The following ZNF718 variants were observed in gnomAD, a reference collection of about 807,000 sequenced individuals.
The protein encoded by ZNF718 is zinc finger protein 718.
A neutral mutation model predicts 2.6 loss-of-function variants in ZNF718; 3 were observed. That is an observed-to-expected ratio of 1.16 (90% CI 0.53 to 3.01). ZNF718 has a LOEUF of 3.01. Ranked by LOEUF, ZNF718 falls within the 30% of genes most tolerant of loss-of-function variation. The pLI is 0.03. For synonymous variants in ZNF718, 135 were observed against 77.9 expected (o/e 1.73, Z -3.86); for missense variants, 468 against 230.0 (o/e 2.03, Z -6.69).
chr4:161,551 G>T lies in ZNF718; in HGVS notation c.866G>T (p.Gly289Val). 1 of 780,888 alleles carries T rather than the reference G, an allele frequency of 1.3e-6. No homozygotes were observed. The highest frequency in any genetic ancestry group is 2.4e-6 in the Non-Finnish European group (1 of 418,020). 48.4% of individuals were successfully genotyped at this position (780,888 alleles called of 1,614,324 possible). A position where few individuals can be genotyped will look rare whatever the true frequency, so the allele number is the denominator to read the frequency against. ...AQKYYKCEEC[G>V]KAFKWSSSLN... ...AAATACTACAAATGTGAAGAATGTG[G>T]TAAAGCCTTTAAGTGGTCCTCATCC... The change falls in exon 4 of 4, where the codon GGT (glycine) becomes GTT (valine). Residue 289 changes from glycine to valine, a missense_variant. Physicochemically the swap from Gly to Val is moderately radical, Grantham distance 109 (BLOSUM62 -3). Transcript: ENST00000510175.
intron 1 of ZNF718, among the ~76,000 whole-genome samples, chr4:125,641 T>C (rs1208358118): frequency 6.6e-6 from 1 of 152,224 alleles, no homozygotes; most frequent in Non-Finnish European, 1.5e-5. Context: ...CGCTGGGCAC[T>C]GTCCTCTTCC....
intron 3 of ZNF718, among the ~76,000 whole-genome samples, chr4:179,839 A>C (rs1437746436): frequency 6.6e-6 from 1 of 152,176 alleles, no homozygotes; most frequent in East Asian, 1.9e-4. Context: ...AGGTTATTTT[A>C]ATTCACTTTA....
Position 159,799 on chromosome 4 carries a change from T to C in ZNF718, c.227-1113T>C, listed in dbSNP as rs1320721188. Among the ~76,000 whole-genome samples, 5 of 152,276 alleles carry C rather than the reference T, an allele frequency of 3.3e-5. No individual in the cohort carries two copies. In the East Asian group the frequency reaches 9.6e-4, roughly 29 times the overall value. ...TAGTTGTTTTCTGAAAATTTTCAAA[T>C]TTTTTAATTGGGCCATGTTGCCCTA... On this transcript the variant is annotated intron_variant, in intron 3 of 3. Coordinates refer to ENST00000510175, the MANE Select transcript of ZNF718 (RefSeq NM_001039127.6).
chr4:150,688 T>C (rs1386825559), intron 3 of ZNF718, among the ~76,000 whole-genome samples: 2 of 152,210 alleles, frequency 1.3e-5, no homozygotes, highest in Admixed American at 1.3e-4. Context: ...TTGGCTATTA[T>C]AAATAGTACT....
intron 3 of ZNF718, among the ~76,000 whole-genome samples, chr4:182,151 A>C (rs1717479797): frequency 6.6e-6 from 1 of 152,086 alleles, no homozygotes; most frequent in Non-Finnish European, 1.5e-5. Context: ...TTTATAATGA[A>C]ACAATTTATA....
intron 3 of ZNF718, among the ~76,000 whole-genome samples, chr4:170,602 C>T (rs185866583): frequency 1.3e-5 from 2 of 152,140 alleles, no homozygotes; most frequent in African/African-American, 4.8e-5. Context: ...TTTATTTCAT[C>T]TTCCATCACT....
intron 3 of ZNF718, among the ~76,000 whole-genome samples, chr4:188,048 A>T (rs1355077079): frequency 1.3e-5 from 2 of 152,180 alleles, no homozygotes; most frequent in South Asian, 4.1e-4. Flanking sequence ...CAGCCATTCC[A>T]TGCTGGGGAA....
At chr4:151,257 C>T (rs1302153143) in intron 3 of ZNF718, among the ~76,000 whole-genome samples, 1 of 151,912 alleles carries the variant, frequency 6.6e-6, no homozygotes, top group African/African-American at 2.4e-5. Context: ...TGCATACTGC[C>T]ATGCCCAGCT....
chr4:194,200 G>A (rs1717748598), intron 3 of ZNF718, among the ~76,000 whole-genome samples: 1 of 152,212 alleles, frequency 6.6e-6, no homozygotes, highest in African/African-American at 2.4e-5. Flanking sequence ...GTCTGCAGCT[G>A]ACTGAATGAT....
intron 3 of ZNF718, among the ~76,000 whole-genome samples, chr4:158,846 G>A (rs1581456966): frequency 1.4e-5 from 2 of 144,046 alleles, no homozygotes. Flanking sequence ...ATTATGTTTT[G>A]TTTTCTTGCA....
intron 3 of ZNF718, among the ~76,000 whole-genome samples, chr4:184,908 GTAGTC>G (rs2108814391): frequency 6.6e-6 from 1 of 151,930 alleles, no homozygotes; most frequent in African/African-American, 2.4e-5. Flanking sequence ...CTCTTCTTTA[GTAGTC>G]TAGCTAGAAG....
chr4:166,766 G>A (rs377684557), downstream of ZNF718, among the ~76,000 whole-genome samples: 13 of 152,064 alleles, frequency 8.5e-5, no homozygotes, highest in Admixed American at 4.6e-4. Flanking sequence ...TTGTCAGATG[G>A]GTAGATTGCA....
downstream of ZNF718, among the ~76,000 whole-genome samples, chr4:168,150 G>A (rs190392410): frequency 1.5e-4 from 23 of 152,226 alleles, no homozygotes; most frequent in Admixed American, 9.2e-4. Flanking sequence ...GCTGGATTAC[G>A]TTTATTGATT....
rs1717539696 is a variant in ZNF718, at chr4:185,001, T to A, written c.227-16080T>A. Among the ~76,000 whole-genome samples, 4 of 152,190 alleles carry A rather than the reference T, an allele frequency of 2.6e-5. No individual in the cohort carries two copies. In the South Asian group the frequency reaches 8.3e-4, roughly 31 times the overall value. ...GGGTTTTTTTGTGTCTCTATTATGT[T>A]CTGTTCAGCTCTGATCTTGGTTATT... On this transcript the variant is annotated intron_variant and NMD_transcript_variant, in intron 3 of 4. Transcript: ENST00000642529.
intron 3 of ZNF718, among the ~76,000 whole-genome samples, chr4:141,359 G>C (rs1715804628): frequency 1.3e-5 from 2 of 152,132 alleles, no homozygotes; most frequent in African/African-American, 4.8e-5. Flanking sequence ...GAGACGTTTG[G>C]CTAATTAAAC....
At chr4:170,449 A>G (rs1267203574) in intron 3 of ZNF718, among the ~76,000 whole-genome samples, 2 of 152,198 alleles carry the variant, frequency 1.3e-5, no homozygotes, top group African/African-American at 4.8e-5. Flanking sequence ...GTGTTTTCCA[A>G]CTTGGTTCCA....
chr4:124,627 G>A lies in ZNF718; in HGVS notation c.-44G>A, dbSNP rs1553807586. 6.2e-7 allele frequency: 1 copy of A among 1,605,124 alleles called. No homozygotes were observed. Among genetic ancestry groups the A allele is most frequent in the South Asian group, 1.1e-5 (1 of 91,068 alleles). ...GTGGCTCTGTGACCTGCCGGTATTG[G>A]ATGATTCGTATCTAAGACTCTGGGA... On this transcript the variant is annotated 5_prime_UTR_variant, in exon 1 of 4. Coordinates refer to ENST00000510175, the MANE Select transcript of ZNF718 (RefSeq NM_001039127.6).
intron 3 of ZNF718, among the ~76,000 whole-genome samples, chr4:143,220 G>T (rs149087728): frequency 3.9e-5 from 6 of 152,284 alleles, no homozygotes; most frequent in African/African-American, 1.4e-4. Flanking sequence ...GTTTGAGACG[G>T]AGTCTCTGTC....
intron 3 of ZNF718, among the ~76,000 whole-genome samples, chr4:181,442 C>T (rs1271774289): frequency 6.6e-6 from 1 of 151,930 alleles, no homozygotes; most frequent in African/African-American, 2.4e-5. Context: ...GAGATATAAT[C>T]AATTTTTAAT....
Sources: gnomAD v4.1 joint callset for allele counts (sites outside exome capture counted in the v4.1 genomes callset) on GRCh38, gnomAD v4.1.1 for gene constraint, MANE v1.5 for transcripts, NCBI Gene and HGNC (gene_info 2026-07-23, HGNC 2026-07-21) for gene names.